The following TOM1L2 variants were observed in gnomAD, a reference collection of about 807,000 sequenced individuals.
The protein encoded by TOM1L2 is target of myb1 like 2 membrane trafficking protein, also known as TOM1-like protein 2.
A neutral mutation model predicts 67.9 loss-of-function variants in TOM1L2; 31 were observed. That is an observed-to-expected ratio of 0.46 (90% confidence interval 0.34 to 0.62). The LOEUF is 0.62. TOM1L2 is among the 20% of genes least tolerant of loss of function. The probability of loss-of-function intolerance (pLI) is 0.01; values close to 1 mark genes in which losing one functional copy is unlikely to be tolerated. For synonymous variants in TOM1L2, 256 were observed against 254.0 expected (o/e 1.01, Z -0.07); for missense variants, 606 against 663.5 (o/e 0.91, Z 0.95).
rs1213681884 is a variant in TOM1L2 at position 17,861,521 on chromosome 17, T to C, written c.1233A>G (p.Gly411=). 1 of 1,613,988 alleles carries C rather than the reference T, an allele frequency of 6.2e-7. No homozygotes were observed. Among genetic ancestry groups the C allele is most frequent in the East Asian group, 2.2e-5 (1 of 44,900 alleles). Residue 411 remains glycine (G), a synonymous_variant, in exon 12 of 15, where the codon GGA becomes GGG. Coordinates refer to ENST00000379504, the MANE Select transcript of TOM1L2 (RefSeq NM_001082968.2). ...GATTGTCTAGTGCAGAAGCAAGTCCTCCGACAGCCTGAGGATCCTCATAGG... is the reference window on the plus strand; with the variant it reads ...GATTGTCTAGTGCAGAAGCAAGTCCCCCGACAGCCTGAGGATCCTCATAGG... ...TVTYEDPQAV[G]GLASALDNRK...
chr17:17,887,358 C>T (rs1467902837), intron 4 of TOM1L2, among the ~76,000 whole-genome samples: 4 of 152,176 alleles, frequency 2.6e-5, no homozygotes, highest in African/African-American at 7.2e-5. Context: ...GGTGCAGGGG[C>T]GCCTCTGAAT....
At chr17:17,880,506 AG>A (rs2037668154) in intron 6 of TOM1L2, among the ~76,000 whole-genome samples, 1 of 152,210 alleles carries the variant, frequency 6.6e-6, no homozygotes, top group Non-Finnish European at 1.5e-5. Context: ...ACCCCCTCGA[AG>A]GATCTGCAGA....
intron 10 of TOM1L2, 65 bp from the exon 11 acceptor site, chr17:17,862,913 G>A: frequency 9.6e-7 from 1 of 1,040,798 alleles, no homozygotes; most frequent in Admixed American, 2.4e-5. Flanking sequence ...CTGATGAAGG[G>A]CCCCCAAGCT....
At chr17:17,861,250 T>C (rs1442394695) in intron 12 of TOM1L2, among the ~76,000 whole-genome samples, 1 of 152,162 alleles carries the variant, frequency 6.6e-6, no homozygotes, top group Non-Finnish European at 1.5e-5. Flanking sequence ...CTGTTTTCTC[T>C]TGGGTGGATT....
At position 17,861,477 on chromosome 17, in the gene TOM1L2, C is replaced by G. The variant is rs958547512; in HGVS notation, c.1277G>C (p.Gly426Ala). The change falls in exon 12 of 15, where the codon GGG becomes GCG. Residue 426 changes from glycine to alanine, a missense_variant and splice_region_variant. By Grantham distance (60) the Gly-to-Ala change is moderately conservative. Around this residue, in one of 2 missense-constraint regions of TOM1L2, gnomAD observed 543 missense variants for 554.0 expected, o/e 0.98. Transcript: ENST00000379504. ...AGAAAAACAGGGTTAAAGACCTACC[C>G]CTTCTGAACTCTGTTTTCGATTGTC... ...ALDNRKQSSEGIPVAQPSVMD... is the reference protein window; with the variant it reads ...ALDNRKQSSEAIPVAQPSVMD... The G allele has an allele frequency of 1.9e-6, 3 of 1,613,752 alleles. No homozygotes were observed. In the African/African-American group the frequency reaches 4.0e-5, roughly 22 times the overall value.
At chr17:17,871,240 G>A (rs964598629) in intron 7 of TOM1L2, among the ~76,000 whole-genome samples, 4 of 152,048 alleles carry the variant, frequency 2.6e-5, no homozygotes, top group Non-Finnish European at 5.9e-5. Context: ...CGTTGGTGGC[G>A]GGCACCTGTA....
intron 4 of TOM1L2, among the ~76,000 whole-genome samples, chr17:17,885,919 C>A (rs1361447775): frequency 9.7e-6 from 1 of 103,164 alleles, no homozygotes; most frequent in South Asian, 2.9e-4. Flanking sequence ...AGCAAGACTC[C>A]GTCTCAAAAA....
At chr17:17,886,481 T>C (rs557170084) in intron 4 of TOM1L2, among the ~76,000 whole-genome samples, 2 of 152,366 alleles carry the variant, frequency 1.3e-5, no homozygotes, top group East Asian at 3.9e-4. Context: ...CCAGCTGCGC[T>C]GGCTGCCTCC....
At chr17:17,914,632 T>A (rs567489930) in intron 1 of TOM1L2, among the ~76,000 whole-genome samples, 1 of 152,344 alleles carries the variant, frequency 6.6e-6, no homozygotes, top group South Asian at 2.1e-4. Flanking sequence ...CTTCTGTAAC[T>A]GCCAGCCTGG....
chr17:17,848,198 G>A (rs1369855973), intron 14 of TOM1L2, among the ~76,000 whole-genome samples: 2 of 152,200 alleles, frequency 1.3e-5, no homozygotes, highest in African/African-American at 2.4e-5. Context: ...GCAGTGGGGA[G>A]GGGGGAGTGC....
At chr17:17,881,974 C>G (rs917429011) in intron 6 of TOM1L2, among the ~76,000 whole-genome samples, 1 of 152,004 alleles carries the variant, frequency 6.6e-6, no homozygotes, top group East Asian at 1.9e-4. Flanking sequence ...TTTTTTTCCC[C>G]CAAGTCTGAC....
At chr17:17,962,333 T>A (rs1482916256) in intron 1 of TOM1L2, among the ~76,000 whole-genome samples, 1 of 151,688 alleles carries the variant, frequency 6.6e-6, no homozygotes, top group Non-Finnish European at 1.5e-5. Flanking sequence ...TATTTTTTTT[T>A]TTTTAGGGAT....
chr17:17,963,343 T>C (rs2041763952), intron 1 of TOM1L2, among the ~76,000 whole-genome samples: 1 of 152,238 alleles, frequency 6.6e-6, no homozygotes, highest in African/African-American at 2.4e-5. Flanking sequence ...CTTTCTGGAA[T>C]TCCTATTTGA....
At chr17:17,849,172 C>T (rs115454933) in intron 13 of TOM1L2, among the ~76,000 whole-genome samples, 3,927 of 152,312 alleles carry the variant, frequency 0.026, 135 homozygotes, top group African/African-American at 0.081. Context: ...CTGCAGAGGG[C>T]GGGACCCCAC....
intron 1 of TOM1L2, among the ~76,000 whole-genome samples, chr17:17,950,192 T>C (rs1258575534): frequency 6.6e-6 from 1 of 152,132 alleles, no homozygotes; most frequent in Non-Finnish European, 1.5e-5. Context: ...CGTATCACTC[T>C]GTCGCCCAGG....
intron 1 of TOM1L2, among the ~76,000 whole-genome samples, chr17:17,968,655 A>C (rs1597489453): frequency 4.1e-5 from 5 of 121,130 alleles, no homozygotes; most frequent in Non-Finnish European, 3.3e-5. Flanking sequence ...ATGAAGTGAG[A>C]CTCCATCTCA....
At chr17:17,862,941 G>T in intron 10 of TOM1L2, 93 bp from the exon 11 acceptor site, 1 of 479,854 alleles carries the variant, frequency 2.1e-6, no homozygotes. Flanking sequence ...CAGCCAGGTG[G>T]GTTTAGGTTC....
At chr17:17,865,010 G>C (rs923803169) in intron 10 of TOM1L2, among the ~76,000 whole-genome samples, 49 of 152,160 alleles carry the variant, frequency 3.2e-4, no homozygotes, top group African/African-American at 1.1e-3. Context: ...AGAAAAGCAA[G>C]ACAGAGGAAA....
rs375792854 is a variant in TOM1L2, at chr17:17,872,052, G to A, written c.778-2579C>T. 1.3e-5 allele frequency: 13 copies of A among 985,428 alleles called. 1 individual carries two copies. In the Middle Eastern group the frequency reaches 1.6e-3, roughly 119 times the overall value. 61.0% of individuals were successfully genotyped at this position (985,428 alleles called of 1,614,324 possible). A position where few individuals can be genotyped will look rare whatever the true frequency, so the allele number is the denominator to read the frequency against. ...GCCTGGGCCTTGGGGCCTGCCAGAC[G>A]TGGTCTGGATTGCCAGGCAATAATG... On this transcript the variant is annotated intron_variant, in intron 7 of 14. Transcript: ENST00000379504.
Sources: gnomAD v4.1 joint callset for allele counts (sites outside exome capture counted in the v4.1 genomes callset) on GRCh38, gnomAD v4.1.1 for gene constraint, gnomAD v4.1.1 regional missense constraint, MANE v1.5 for transcripts, NCBI Gene and HGNC (gene_info 2026-07-23, HGNC 2026-07-21) for gene names.